The following CSNK1G2 variants were observed in gnomAD, a reference collection of about 807,000 sequenced individuals.
CSNK1G2 encodes the protein casein kinase 1 gamma 2.
CSNK1G2 carries 11 observed loss-of-function variants against 48.0 expected under a neutral mutation model. The observed-to-expected ratio is 0.23, with a 90% confidence interval of 0.14 to 0.38. The LOEUF is 0.38. Ranked by LOEUF, CSNK1G2 falls within the 10% of genes least tolerant of loss-of-function variation. The pLI, the probability that CSNK1G2 is intolerant of heterozygous loss-of-function variation, is 1.00. For missense variants in CSNK1G2, 446 were observed against 595.5 expected, an observed-to-expected ratio of 0.75 and a Z score of 2.61; for synonymous variants, 337 against 254.1, an observed-to-expected ratio of 1.33 and a Z score of -3.10.
chr19:1,946,095 G>A (rs1279337092), intron 1 of CSNK1G2, among the ~76,000 whole-genome samples: 4 of 152,046 alleles, frequency 2.6e-5, no homozygotes, highest in Admixed American at 1.3e-4. Flanking sequence ...AGTGCATCCC[G>A]TGGCCTATCC....
chr19:1,958,337 T>C (rs566461630), intron 1 of CSNK1G2, among the ~76,000 whole-genome samples: 151 of 151,998 alleles, frequency 9.9e-4, no homozygotes, highest in East Asian at 1.4e-3. Context: ...CAGGGCCGTC[T>C]TGCAGGGCTC....
Position 1,979,960 on chromosome 19 carries a change from G to A in CSNK1G2, c.1136G>A (p.Gly379Asp), listed in dbSNP as rs1330067983. 3 of 1,597,286 alleles carry A rather than the reference G, an allele frequency of 1.9e-6. No homozygotes were observed. In the South Asian group the frequency reaches 3.4e-5, roughly 18 times the overall value. The change falls in exon 11 of 12, where the codon GGC becomes GAC. Residue 379 changes from glycine (G) to aspartate (D), a missense_variant. Gly to Asp is a moderately conservative substitution (Grantham distance 94, BLOSUM62 -1). Around this residue, in one of 2 missense-constraint regions of CSNK1G2, gnomAD observed 188 missense variants for 179.6 expected, o/e 1.05. Coordinates refer to ENST00000255641, the MANE Select transcript of CSNK1G2 (RefSeq NM_001319.7). ...CTGAATGCGGACGACCCCACGGCCG[G>A]CCACTCCAACGCCCCGATCACAGCG... ...GELNADDPTAGHSNAPITAPA... is the reference protein window; with the variant it reads ...GELNADDPTADHSNAPITAPA...
chr19:1,956,701 G>T (rs1899605945), intron 1 of CSNK1G2, among the ~76,000 whole-genome samples: 1 of 152,164 alleles, frequency 6.6e-6, no homozygotes, highest in African/African-American at 2.4e-5. Flanking sequence ...GTTGGGGATG[G>T]GAGAGTGTTT....
chr19:1,979,447 C>A (rs1467334713), intron 8 of CSNK1G2, 44 bp downstream of exon 8: 3 of 714,690 alleles, frequency 4.2e-6, no homozygotes, highest in Non-Finnish European at 6.6e-6. Flanking sequence ...CCACCCCCCA[C>A]CCCCCACCCC....
In CSNK1G2 at chr19:1,980,129, T is replaced by G; in HGVS notation, c.1194-20T>G. The G allele has an allele frequency of 6.2e-7, 1 of 1,612,714 alleles. No individual in the cohort carries two copies. Among genetic ancestry groups the G allele is most frequent in the Non-Finnish European group, 8.5e-7 (1 of 1,179,794 alleles). ...CGCCCTGCACCCCGGTCCTCCTACCTGAGCCACTGCCCTCCTCAGATGCTG... is the reference window on the plus strand; with the variant it reads ...CGCCCTGCACCCCGGTCCTCCTACCGGAGCCACTGCCCTCCTCAGATGCTG... On this transcript the variant is annotated intron_variant, in intron 11 of 11. Coordinates refer to ENST00000255641, the MANE Select transcript of CSNK1G2 (RefSeq NM_001319.7).
Position 1,981,210 on chromosome 19 carries a change from GC to G in CSNK1G2, c.*1008del, listed in dbSNP as rs1214688858. The G allele has an allele frequency of 6.6e-6, 1 of 152,316 alleles. No homozygotes were observed. The highest frequency in any genetic ancestry group is 1.5e-5 in the Non-Finnish European group (1 of 68,098). The allele number at this position is 152,316 out of a possible 1,614,324, so 9.4% of individuals were successfully genotyped here. A position where few individuals can be genotyped will look rare whatever the true frequency, so the allele number is the denominator to read the frequency against. On this transcript the variant is annotated 3_prime_UTR_variant, in exon 12 of 12. Transcript: ENST00000255641. ...GGAGCAGCTTGGGGCCGTGCCCAGG[GC>G]GGTGGCTGTGAGTCTAGTTTTTGCT... is the stretch of plus-strand genomic sequence containing the variant.
chr19:1,948,741 CT>C (rs2014660911), intron 1 of CSNK1G2, among the ~76,000 whole-genome samples: 2 of 152,166 alleles, frequency 1.3e-5, no homozygotes, highest in Admixed American at 1.3e-4. Context: ...GCAGCAGCCC[CT>C]CATGTAGCAA....
chr19:1,965,366 G>A (rs1454334906), intron 1 of CSNK1G2, among the ~76,000 whole-genome samples: 1 of 135,420 alleles, frequency 7.4e-6, no homozygotes, highest in African/African-American at 3.1e-5. Flanking sequence ...CTGGGCGACA[G>A]AGCGAGACTC....
chr19:1,972,222 C>G (rs1312774203), intron 2 of CSNK1G2, among the ~76,000 whole-genome samples: 1 of 152,230 alleles, frequency 6.6e-6, no homozygotes, highest in Non-Finnish European at 1.5e-5. Context: ...TTCATCTGCT[C>G]CCAGCGCAGG....
chr19:1,979,101 G>T lies in CSNK1G2; in HGVS notation c.682+8G>T. 2 of 1,586,430 alleles carry T rather than the reference G, an allele frequency of 1.3e-6. No homozygotes were observed. The highest frequency in any genetic ancestry group is 1.7e-6 in the Non-Finnish European group (2 of 1,171,338). ...ACACGCACCTGGGCAAGGGTGAGCT[G>T]CGCGCGCGCGGCGGGGGGCGGGCGC... On this transcript the variant is annotated splice_region_variant and intron_variant, in intron 6 of 11. Coordinates refer to ENST00000255641, the MANE Select transcript of CSNK1G2 (RefSeq NM_001319.7).
chr19:1,964,371 C>T (rs956465104), intron 1 of CSNK1G2, among the ~76,000 whole-genome samples: 11 of 151,866 alleles, frequency 7.2e-5, no homozygotes, highest in African/African-American at 2.4e-5. Flanking sequence ...AGCATTCAGA[C>T]GATCTAGCCA....
intron 2 of CSNK1G2, among the ~76,000 whole-genome samples, chr19:1,974,945 G>A (rs150191174): frequency 1.7e-4 from 26 of 152,264 alleles, no homozygotes; most frequent in African/African-American, 5.1e-4. Context: ...GAGTACTGCC[G>A]GAGGAGGCCC....
intron 1 of CSNK1G2, among the ~76,000 whole-genome samples, chr19:1,947,109 G>A (rs1420095352): frequency 6.6e-6 from 1 of 152,148 alleles, no homozygotes; most frequent in Admixed American, 6.5e-5. Flanking sequence ...TGTCACCAGC[G>A]GTGTTTCGTT....
intron 1 of CSNK1G2, chr19:1,952,692 G>T: frequency 3.9e-6 from 1 of 254,280 alleles, no homozygotes. Flanking sequence ...GACTCTGAGG[G>T]TCATGCGCCT....
intron 1 of CSNK1G2, among the ~76,000 whole-genome samples, chr19:1,952,133 C>T (rs900808993): frequency 6.6e-6 from 1 of 152,168 alleles, no homozygotes; most frequent in Non-Finnish European, 1.5e-5. Flanking sequence ...CCCAACCCTT[C>T]TGTGTGAAAG....
intron 8 of CSNK1G2, 36 bp from the exon 9 acceptor site, chr19:1,979,445 CACCCCCCACCCCCA>C (rs2015891944): frequency 1.9e-6 from 2 of 1,035,530 alleles, no homozygotes; most frequent in Non-Finnish European, 2.7e-6. Flanking sequence ...CCCCACCCCC[CACCCCCCACCCCCA>C]CCCCCGCCGA....
Position 1,969,504 on chromosome 19 carries a change from G to T in CSNK1G2, c.-265-4G>T. The T allele has an allele frequency of 3.4e-6, 1 of 290,546 alleles. No homozygotes were observed. 18.0% of individuals were successfully genotyped at this position (290,546 alleles called of 1,614,324 possible). A position where few individuals can be genotyped will look rare whatever the true frequency, so the allele number is the denominator to read the frequency against. On this transcript the variant is annotated splice_region_variant and splice_polypyrimidine_tract_variant and intron_variant, in intron 1 of 11. Transcript: ENST00000255641. ...TGCTCACCTGTGCCTCTGTTTCTCT[G>T]CAGCTGTGAGCCGTGAGCTTTGAGG...
chr19:1,959,709 G>T (rs183201648), intron 1 of CSNK1G2, among the ~76,000 whole-genome samples: 1 of 52,134 alleles, frequency 1.9e-5, no homozygotes, highest in Non-Finnish European at 3.0e-5. Context: ...CCCACCTTTA[G>T]TGCCACCCTG....
intron 1 of CSNK1G2, among the ~76,000 whole-genome samples, chr19:1,949,893 G>A (rs1009411887): frequency 2.0e-5 from 3 of 152,324 alleles, no homozygotes; most frequent in East Asian, 1.9e-4. Context: ...GCATGTGCCC[G>A]GTGTCCCCAC....
Sources: gnomAD v4.1 joint callset for allele counts (sites outside exome capture counted in the v4.1 genomes callset) on GRCh38, gnomAD v4.1.1 for gene constraint, gnomAD v4.1.1 regional missense constraint, MANE v1.5 for transcripts, NCBI Gene and HGNC (gene_info 2026-07-23, HGNC 2026-07-21) for gene names.